The following CAMTA1 variants were observed in gnomAD, a reference collection of about 807,000 sequenced individuals.
The protein encoded by CAMTA1 is calmodulin binding transcription activator 1.
CAMTA1 carries 27 observed loss-of-function variants against 170.9 expected under a neutral mutation model. The ratio of observed to expected loss-of-function variants is 0.16; its 90% CI spans 0.12 to 0.22. The LOEUF (loss-of-function observed/expected upper bound fraction) is 0.22, where lower values mean the gene tolerates loss of function less well. Ranked by LOEUF, CAMTA1 falls within the 10% of genes least tolerant of loss-of-function variation. The pLI, the probability that CAMTA1 is intolerant of heterozygous loss-of-function variation, is 1.00. For missense variants in CAMTA1, 1,619 were observed against 2,217.2 expected, an observed-to-expected ratio of 0.73 and a Z score of 5.42; for synonymous variants, 833 against 891.5, an observed-to-expected ratio of 0.93 and a Z score of 1.17.
chr1:7,601,590 A>G lies in CAMTA1; in HGVS notation c.511-38810A>G, dbSNP rs535957061. On this transcript the variant is annotated intron_variant, in intron 6 of 22. Transcript: ENST00000303635. Reference sequence around the variant, plus strand: ...GGCACTTTGGGAGGCCAAGGCAGGCAGCTGGGAGGTGGAGGTTGTAGCGAG... The same window carrying G: ...GGCACTTTGGGAGGCCAAGGCAGGCGGCTGGGAGGTGGAGGTTGTAGCGAG... Among the ~76,000 whole-genome samples the G allele has an allele frequency of 9.2e-5, 14 of 152,070 alleles. 1 individual carries two copies. The highest frequency in any genetic ancestry group is 8.3e-4 in the South Asian group (4 of 4,810).
At chr1:7,530,118 G>C (rs2094474252) in intron 6 of CAMTA1, among the ~76,000 whole-genome samples, 1 of 152,112 alleles carries the variant, frequency 6.6e-6, no homozygotes, top group South Asian at 2.1e-4. Flanking sequence ...TGGCACCTCG[G>C]CACCCTGCCC....
chr1:6,845,884 A>G (rs1346678741), intron 3 of CAMTA1, among the ~76,000 whole-genome samples: 1 of 152,256 alleles, frequency 6.6e-6, no homozygotes, highest in Non-Finnish European at 1.5e-5. Context: ...GATAATTTAT[A>G]AAGGAAAGAG....
At chr1:7,097,714 A>G (rs1642239421) in intron 4 of CAMTA1, among the ~76,000 whole-genome samples, 1 of 152,236 alleles carries the variant, frequency 6.6e-6, no homozygotes, top group African/African-American at 2.4e-5. Flanking sequence ...AACCTGGATG[A>G]AGCTTGAAGA....
chr1:7,076,822 C>G (rs1190386852), intron 3 of CAMTA1, among the ~76,000 whole-genome samples: 1 of 152,202 alleles, frequency 6.6e-6, no homozygotes, highest in East Asian at 1.9e-4. Context: ...AGACCGACCT[C>G]TACTCCTCTT....
chr1:7,468,647 T>C (rs1475113474), intron 6 of CAMTA1, among the ~76,000 whole-genome samples: 2 of 152,244 alleles, frequency 1.3e-5, no homozygotes, highest in Non-Finnish European at 2.9e-5. Flanking sequence ...CATCCTCTGA[T>C]TTGCAGCTGT....
intron 4 of CAMTA1, among the ~76,000 whole-genome samples, chr1:7,142,638 G>A (rs1645954306): frequency 6.6e-6 from 1 of 152,192 alleles, no homozygotes; most frequent in African/African-American, 2.4e-5. Context: ...AGTTCCTCCA[G>A]GAGCTGGTTG....
chr1:7,752,278 C>T (rs2096902646), intron 20 of CAMTA1, among the ~76,000 whole-genome samples, 181 bp from the exon 21 acceptor site: 1 of 152,160 alleles, frequency 6.6e-6, no homozygotes, highest in South Asian at 2.1e-4. Flanking sequence ...GATGCCCGGA[C>T]TCGATACTAT....
At chr1:7,292,892 C>G (rs1432859716) in intron 5 of CAMTA1, among the ~76,000 whole-genome samples, 2 of 152,170 alleles carry the variant, frequency 1.3e-5, no homozygotes, top group Non-Finnish European at 2.9e-5. Context: ...CTTTAGGAAG[C>G]AGGCAGAGGA....
At chr1:7,211,553 T>C (rs1389110684) in intron 4 of CAMTA1, among the ~76,000 whole-genome samples, 1 of 152,240 alleles carries the variant, frequency 6.6e-6, no homozygotes, top group Non-Finnish European at 1.5e-5. Context: ...GATTTTGAGA[T>C]TCATCCGTGT....
At chr1:6,866,796 A>T (rs974505264) in intron 3 of CAMTA1, among the ~76,000 whole-genome samples, 1 of 152,232 alleles carries the variant, frequency 6.6e-6, no homozygotes, top group South Asian at 2.1e-4. Context: ...TTTGTGGCTA[A>T]TTTGAAAATT....
At chr1:7,246,184 C>T (rs1053751394) in intron 4 of CAMTA1, among the ~76,000 whole-genome samples, 3 of 152,214 alleles carry the variant, frequency 2.0e-5, no homozygotes, top group African/African-American at 4.8e-5. Flanking sequence ...TGGAGTCAGA[C>T]CAACTCAGCG....
chr1:7,630,182 C>A (rs1576483961), intron 6 of CAMTA1, among the ~76,000 whole-genome samples: 1 of 152,222 alleles, frequency 6.6e-6, no homozygotes, highest in East Asian at 1.9e-4. Flanking sequence ...CGGGCAGCGC[C>A]CCTCCAGGAT....
At chr1:6,916,549 T>C (rs1281129227) in intron 3 of CAMTA1, among the ~76,000 whole-genome samples, 1 of 152,214 alleles carries the variant, frequency 6.6e-6, no homozygotes, top group African/African-American at 2.4e-5. Flanking sequence ...CTTTGCTGTA[T>C]GAATAAGGCC....
At chr1:7,031,001 AT>A (rs58953861) in intron 3 of CAMTA1, among the ~76,000 whole-genome samples, 45,352 of 99,958 alleles carry the variant, frequency 0.45, 9,806 homozygotes, top group African/African-American at 0.55. Context: ...TGCCCAGCTA[AT>A]TTTTTTTTTT....
intron 1 of CAMTA1, among the ~76,000 whole-genome samples, chr1:6,803,696 G>A (rs1043314534): frequency 2.0e-5 from 3 of 152,154 alleles, no homozygotes; most frequent in African/African-American, 4.8e-5. Context: ...AGTAGTTACA[G>A]GGATTTGGTT....
intron 11 of CAMTA1, among the ~76,000 whole-genome samples, chr1:7,679,439 C>T (rs1480681660): frequency 6.6e-6 from 1 of 152,158 alleles, no homozygotes; most frequent in Non-Finnish European, 1.5e-5. Flanking sequence ...AGCTACGGCA[C>T]GGGAGGATGC....
chr1:6,977,578 G>C (rs1009197266), intron 3 of CAMTA1, among the ~76,000 whole-genome samples: 3 of 152,160 alleles, frequency 2.0e-5, no homozygotes, highest in Non-Finnish European at 4.4e-5. Context: ...CTGACCTTGG[G>C]ATCCACTCGC....
chr1:7,426,404 C>T lies in CAMTA1; in HGVS notation c.439-41426C>T, dbSNP rs2091877543. 6.6e-6 allele frequency among the ~76,000 whole-genome samples: 1 copy of T among 152,146 alleles called. No homozygotes were observed. Among genetic ancestry groups the T allele is most frequent in the African/African-American group, 2.4e-5 (1 of 41,426 alleles). ...TATAGGACCAGCGGTAGTGATCTCCCCCAAAAAACTGCCTACCTGGGTTTC... is the reference window on the plus strand; with the variant it reads ...TATAGGACCAGCGGTAGTGATCTCCTCCAAAAAACTGCCTACCTGGGTTTC... On this transcript the variant is annotated intron_variant, in intron 5 of 22. Coordinates refer to ENST00000303635, the MANE Select transcript of CAMTA1 (RefSeq NM_015215.4). This position sits in a 1 kb window ranked among gnomAD's most constrained non-coding sequence, Gnocchi z 4.8.
intron 4 of CAMTA1, among the ~76,000 whole-genome samples, chr1:7,152,680 C>T (rs561141008): frequency 2.5e-4 from 38 of 152,206 alleles, no homozygotes; most frequent in Non-Finnish European, 5.0e-4. Flanking sequence ...TTCTCCACCT[C>T]CCAGGAGGCG....
Sources: allele counts gnomAD v4.1 joint callset (sites outside exome capture counted in the v4.1 genomes callset), GRCh38; gene constraint gnomAD v4.1.1; non-coding constraint Gnocchi (gnomAD v3.1); transcripts MANE v1.5; gene names NCBI Gene and HGNC (gene_info 2026-07-23, HGNC 2026-07-21).